RBFOX1: variants seen among roughly 807,000 people sequenced by gnomAD.
RBFOX1 encodes the protein RNA binding fox-1 homolog 1, also known as RNA binding protein fox-1 homolog 1.
A neutral mutation model predicts 57.7 loss-of-function variants in RBFOX1; 8 were observed. The observed-to-expected ratio is 0.14, with a 90% CI of 0.08 to 0.25. RBFOX1 has a LOEUF of 0.25. Ranked by LOEUF, RBFOX1 falls within the 10% of genes least tolerant of loss-of-function variation. RBFOX1 has a pLI of 1.00. For synonymous variants in RBFOX1, 326 were observed against 222.4 expected, an observed-to-expected ratio of 1.47 and a Z score of -4.15; for missense variants, 611 against 548.5, an observed-to-expected ratio of 1.11 and a Z score of -1.14.
chr16:7,016,504 G>A (rs979648276), intron 3 of RBFOX1, among the ~76,000 whole-genome samples: 1 of 152,268 alleles, frequency 6.6e-6, no homozygotes, highest in Admixed American at 6.5e-5. Flanking sequence ...AACAGACACA[G>A]CCACAGTGTA....
chr16:6,348,444 C>T (rs2085743089), intron 2 of RBFOX1, among the ~76,000 whole-genome samples: 1 of 152,078 alleles, frequency 6.6e-6, no homozygotes, highest in Non-Finnish European at 1.5e-5. Flanking sequence ...TCTCTTTGCC[C>T]TGTTGTAGTC....
intron 1 of RBFOX1, among the ~76,000 whole-genome samples, chr16:6,201,589 G>A (rs1488439517): frequency 6.6e-6 from 1 of 152,032 alleles, no homozygotes; most frequent in African/African-American, 2.4e-5. Flanking sequence ...AATGAATGAG[G>A]TCTAATGTTT....
chr16:6,302,038 T>C (rs991657645), intron 1 of RBFOX1, among the ~76,000 whole-genome samples: 1 of 152,178 alleles, frequency 6.6e-6, no homozygotes, highest in Non-Finnish European at 1.5e-5. Context: ...TATATGTTAC[T>C]GTCCGTCATG....
At chr16:6,747,024 T>G (rs987156519) in intron 3 of RBFOX1, among the ~76,000 whole-genome samples, 4 of 152,128 alleles carry the variant, frequency 2.6e-5, no homozygotes, top group African/African-American at 9.7e-5. Flanking sequence ...TATTGAGGTG[T>G]TAGCCTACAG....
chr16:6,969,369 C>G (rs1196174633), intron 3 of RBFOX1, among the ~76,000 whole-genome samples: 1 of 151,934 alleles, frequency 6.6e-6, no homozygotes, highest in African/African-American at 2.4e-5. Context: ...CCATATTTAA[C>G]TTAAAAATTT....
intron 3 of RBFOX1, among the ~76,000 whole-genome samples, chr16:5,646,048 G>C (rs1038505131): frequency 2.2e-4 from 33 of 148,310 alleles, no homozygotes; most frequent in Admixed American, 3.4e-4. Context: ...TTCTATTTTT[G>C]AGACGGAGTC....
chr16:7,041,125 G>A (rs941719755), intron 3 of RBFOX1, among the ~76,000 whole-genome samples: 11 of 132,888 alleles, frequency 8.3e-5, no homozygotes, highest in Non-Finnish European at 1.4e-4. Flanking sequence ...TAGTAAATAC[G>A]GGGTTTCACC....
intron 2 of RBFOX1, among the ~76,000 whole-genome samples, chr16:6,644,467 C>G (rs572480208): frequency 9.2e-5 from 14 of 152,326 alleles, no homozygotes; most frequent in African/African-American, 3.4e-4. Context: ...CTCAGTTGAT[C>G]ATAAGCCGAT....
chr16:5,659,303 C>CTTTTTTTTTT (rs779525957), intron 3 of RBFOX1, among the ~76,000 whole-genome samples: 1 of 129,002 alleles, frequency 7.8e-6, no homozygotes, highest in African/African-American at 2.9e-5. Context: ...ATTGGTATAT[C>CTTTTTTTTTT]TTTTTTTTTT....
intron 4 of RBFOX1, among the ~76,000 whole-genome samples, chr16:7,264,626 T>G: frequency 6.6e-6 from 1 of 152,230 alleles, no homozygotes; most frequent in East Asian, 1.9e-4. Context: ...TAAAATTTGA[T>G]TTATGGACAC....
chr16:6,085,398 G>A (rs74703133), intron 1 of RBFOX1, among the ~76,000 whole-genome samples: 11,170 of 152,178 alleles, frequency 0.073, 557 homozygotes, highest in East Asian at 0.2. Flanking sequence ...TCAGCCTCCC[G>A]AGTAGCTGGG....
chr16:5,824,268 C>G (rs925411473), intron 3 of RBFOX1, among the ~76,000 whole-genome samples: 21 of 152,190 alleles, frequency 1.4e-4, no homozygotes, highest in Admixed American at 1.2e-3. Flanking sequence ...TGTGAAGAGC[C>G]CACCATGATG....
chr16:6,431,390 G>C (rs775097419), intron 2 of RBFOX1, among the ~76,000 whole-genome samples: 10 of 152,010 alleles, frequency 6.6e-5, no homozygotes, highest in African/African-American at 9.7e-5. Context: ...CCCTGGAAGA[G>C]GGAGGGAAAA....
At chr16:7,112,595 A>G (rs2065020945) in intron 4 of RBFOX1, among the ~76,000 whole-genome samples, 1 of 152,036 alleles carries the variant, frequency 6.6e-6, no homozygotes, top group Non-Finnish European at 1.5e-5. Context: ...CACACTGTTT[A>G]TGGAAAATAA....
chr16:7,319,767 C>T (rs56006041), intron 4 of RBFOX1, among the ~76,000 whole-genome samples: 4,548 of 152,188 alleles, frequency 0.03, 81 homozygotes, highest in Non-Finnish European at 0.039. Context: ...GATTTGGGAT[C>T]GGGCAGGTGT....
intron 3 of RBFOX1, among the ~76,000 whole-genome samples, chr16:5,793,453 G>A (rs929448284): frequency 9.9e-5 from 15 of 152,226 alleles, no homozygotes; most frequent in African/African-American, 3.1e-4. Flanking sequence ...CTGGGGGACC[G>A]GCTTCATGCC....
At chr16:6,149,220 TGC>T (rs900942341) in intron 1 of RBFOX1, among the ~76,000 whole-genome samples, 2 of 152,214 alleles carry the variant, frequency 1.3e-5, no homozygotes, top group Non-Finnish European at 2.9e-5. Context: ...TGTGTGTGTG[TGC>T]GCGCGCGTGC....
At chr16:6,304,077 TG>T (rs2079156993) in intron 1 of RBFOX1, among the ~76,000 whole-genome samples, 1 of 151,790 alleles carries the variant, frequency 6.6e-6, no homozygotes, top group East Asian at 2.0e-4. Flanking sequence ...CCCAAAGTGC[TG>T]GGATTACAGG....
chr16:5,825,718 C>G (rs1005160229), intron 3 of RBFOX1, among the ~76,000 whole-genome samples: 1 of 152,024 alleles, frequency 6.6e-6, no homozygotes, highest in African/African-American at 2.4e-5. Flanking sequence ...TAAGCAATCA[C>G]TCCCTGTTTC....
Sources: gnomAD v4.1 joint callset for allele counts (sites outside exome capture counted in the v4.1 genomes callset) on GRCh38, gnomAD v4.1.1 for gene constraint, MANE v1.5 for transcripts, NCBI Gene and HGNC (gene_info 2026-07-23, HGNC 2026-07-21) for gene names.